ESRRG: variants seen among roughly 807,000 people sequenced by gnomAD.
ESRRG encodes the protein estrogen related receptor gamma.
In ESRRG, 13 loss-of-function variants were observed where a neutral mutation model predicts 44.0. That is an observed-to-expected ratio of 0.30 (90% CI 0.19 to 0.47). The LOEUF (loss-of-function observed/expected upper bound fraction) is 0.47, where lower values mean the gene tolerates loss of function less well. ESRRG is among the 20% of genes least tolerant of loss of function. The pLI, the probability that ESRRG is intolerant of heterozygous loss-of-function variation, is 1.00. For missense variants in ESRRG, 395 were observed against 580.6 expected (o/e 0.68, Z 3.29); for synonymous variants, 215 against 214.6 (o/e 1.00, Z -0.02).
At chr1:216,999,865 A>G (rs1388219786) in intron 1 of ESRRG, among the ~76,000 whole-genome samples, 2 of 152,186 alleles carry the variant, frequency 1.3e-5, no homozygotes, top group Admixed American at 1.3e-4. Context: ...TTGCATCTTC[A>G]ATGTGAAAAG....
intron 5 of ESRRG, among the ~76,000 whole-genome samples, chr1:216,557,082 A>C (rs1175389186): frequency 6.6e-6 from 1 of 152,180 alleles, no homozygotes; most frequent in Non-Finnish European, 1.5e-5. Flanking sequence ...CAGTCTTAGC[A>C]ACCAATCATT....
chr1:216,522,711 T>C (rs1399709342), intron 5 of ESRRG, among the ~76,000 whole-genome samples: 5 of 151,190 alleles, frequency 3.3e-5, no homozygotes, highest in Admixed American at 1.3e-4. Flanking sequence ...TAAAAACGCA[T>C]GGATAAAATA....
intron 1 of ESRRG, among the ~76,000 whole-genome samples, chr1:216,709,358 T>TATATATATATAC (rs1553525204): frequency 1.3e-5 from 2 of 150,452 alleles, no homozygotes; most frequent in African/African-American, 4.9e-5. Context: ...TATATATATA[T>TATATATATATAC]ATATTCAATT....
intron 1 of ESRRG, among the ~76,000 whole-genome samples, chr1:216,679,289 C>T (rs1452540356): frequency 2.0e-5 from 3 of 152,176 alleles, no homozygotes; most frequent in Non-Finnish European, 4.4e-5. Flanking sequence ...TGTTAATGAA[C>T]GTTGTAATTA....
chr1:216,636,001 T>C (rs2065222514), intron 3 of ESRRG, among the ~76,000 whole-genome samples: 1 of 152,250 alleles, frequency 6.6e-6, no homozygotes, highest in Non-Finnish European at 1.5e-5. Context: ...TGTCAGACAC[T>C]GTGCTAAGCA....
At chr1:216,640,255 A>G (rs2066118879) in intron 3 of ESRRG, among the ~76,000 whole-genome samples, 1 of 152,106 alleles carries the variant, frequency 6.6e-6, no homozygotes, top group Non-Finnish European at 1.5e-5. Flanking sequence ...TGGACTCCCC[A>G]CTAGTACCAT....
rs532771521 is a variant in ESRRG at position 217,122,393 on chromosome 1, G to A, written c.-230+15274C>T. 1.4e-4 allele frequency among the ~76,000 whole-genome samples: 22 copies of A among 152,170 alleles called. 1 individual carries two copies. The South Asian group carries it at 4.6e-3, about 32-fold the overall frequency. On this transcript the variant is annotated intron_variant, in intron 1 of 8. Coordinates refer to the ESRRG transcript ENST00000366940. ...TGCATCCTGGCCCCACCTCCTATTA[G>A]TTATGTGATTTTGACTAAGTTACCT...
chr1:216,934,147 C>T (rs779991111), intron 2 of ESRRG, among the ~76,000 whole-genome samples: 1 of 152,114 alleles, frequency 6.6e-6, no homozygotes, highest in Non-Finnish European at 1.5e-5. Flanking sequence ...TAAAGACATA[C>T]CAGAGGCTGG....
At chr1:216,562,215 T>C (rs2058885448) in intron 5 of ESRRG, among the ~76,000 whole-genome samples, 1 of 152,162 alleles carries the variant, frequency 6.6e-6, no homozygotes, top group African/African-American at 2.4e-5. Flanking sequence ...TCCGAAATAA[T>C]GGGTGGTTTG....
intron 2 of ESRRG, among the ~76,000 whole-genome samples, chr1:216,808,235 G>T (rs1273357898): frequency 6.6e-6 from 1 of 152,022 alleles, no homozygotes; most frequent in Non-Finnish European, 1.5e-5. Flanking sequence ...ATGTTTGGTT[G>T]CTATTATATT....
chr1:216,525,394 T>C (rs561864055), intron 5 of ESRRG, among the ~76,000 whole-genome samples: 7 of 152,248 alleles, frequency 4.6e-5, no homozygotes, highest in Non-Finnish European at 7.4e-5. Context: ...CTGAAATAAT[T>C]CCCTTAGCTT....
intron 1 of ESRRG, among the ~76,000 whole-genome samples, chr1:217,019,261 A>G (rs2079915692): frequency 6.6e-6 from 1 of 152,254 alleles, no homozygotes; most frequent in African/African-American, 2.4e-5. Context: ...AGCACTAGAC[A>G]AAGATTAGAA....
chr1:216,768,484 A>ATCTATCTATCTATCTATCTG (rs1553593223), intron 2 of ESRRG, among the ~76,000 whole-genome samples: 24 of 151,548 alleles, frequency 1.6e-4, no homozygotes, highest in African/African-American at 4.4e-4. Flanking sequence ...CTATCTATCT[A>ATCTATCTATCTATCTATCTG]TCTATCTATC....
intron 3 of ESRRG, among the ~76,000 whole-genome samples, chr1:216,641,055 G>A (rs1437778647): frequency 1.3e-5 from 2 of 152,102 alleles, no homozygotes; most frequent in African/African-American, 4.8e-5. Flanking sequence ...CCTAATTCAA[G>A]TTCACAAATG....
At chr1:216,763,537 C>T (rs539293898) in intron 2 of ESRRG, among the ~76,000 whole-genome samples, 1 of 152,116 alleles carries the variant, frequency 6.6e-6, no homozygotes, top group East Asian at 1.9e-4. Flanking sequence ...AATAAATTAT[C>T]AAAGAGAAAA....
intron 2 of ESRRG, among the ~76,000 whole-genome samples, chr1:216,865,407 C>T (rs1186745214): frequency 6.6e-6 from 1 of 151,798 alleles, no homozygotes; most frequent in Non-Finnish European, 1.5e-5. Context: ...AATCAACCAT[C>T]CTTGACAACT....
At chr1:216,788,341 T>C (rs548545538) in intron 2 of ESRRG, among the ~76,000 whole-genome samples, 25 of 152,272 alleles carry the variant, frequency 1.6e-4, no homozygotes, top group African/African-American at 6.0e-4. Flanking sequence ...AGTGCTCATG[T>C]ACCTTTCTGA....
intron 2 of ESRRG, chr1:216,854,994 C>T (rs190698219): frequency 6.6e-5 from 10 of 152,270 alleles, no homozygotes; most frequent in African/African-American, 2.4e-4. Flanking sequence ...TCTAGAAGTG[C>T]TGGGTCCTCT....
chr1:216,933,502 A>G (rs138303199), intron 2 of ESRRG, among the ~76,000 whole-genome samples: 1 of 152,108 alleles, frequency 6.6e-6, no homozygotes, highest in East Asian at 1.9e-4. Context: ...TACTCCCTCC[A>G]TGGCTGATTT....
Sources: gnomAD v4.1 joint callset for allele counts (sites outside exome capture counted in the v4.1 genomes callset) on GRCh38, gnomAD v4.1.1 for gene constraint, MANE v1.5 for transcripts, NCBI Gene and HGNC (gene_info 2026-07-23, HGNC 2026-07-21) for gene names.